The following TRPC3 variants were observed in gnomAD, a reference collection of about 807,000 sequenced individuals.
The protein encoded by TRPC3 is short transient receptor potential channel 3.
A neutral mutation model predicts 90.9 loss-of-function variants in TRPC3; 54 were observed. The observed-to-expected ratio is 0.59, with a 90% CI of 0.48 to 0.75. The LOEUF (loss-of-function observed/expected upper bound fraction) is 0.75, where lower values mean the gene tolerates loss of function less well. Among genes scored for constraint, TRPC3 ranks in the 30% least tolerant of loss-of-function variants. The pLI is 0.00. For synonymous variants in TRPC3, 424 were observed against 450.9 expected, an observed-to-expected ratio of 0.94 and a Z score of 0.75; for missense variants, 918 against 1,194.5, an observed-to-expected ratio of 0.77 and a Z score of 3.41.
chr4:121,947,754 CA>C (rs1560722288), intron 1 of TRPC3, among the ~76,000 whole-genome samples: 1 of 152,144 alleles, frequency 6.6e-6, no homozygotes. Context: ...TTTATTAAGA[CA>C]ATTTTTTGGC....
intron 5 of TRPC3, 88 bp downstream of exon 5, chr4:121,911,789 T>C: frequency 2.3e-6 from 3 of 1,302,906 alleles, no homozygotes; most frequent in Non-Finnish European, 3.2e-6. Flanking sequence ...ATATAAGATA[T>C]AATAACATTT....
chr4:121,902,711 G>T, intron 9 of TRPC3, 141 bp downstream of exon 9: 1 of 596,290 alleles, frequency 1.7e-6, no homozygotes, highest in Non-Finnish European at 2.8e-6. Context: ...TTTAGTATTA[G>T]TCTGTGAAAG....
chr4:121,907,961 G>A (rs897875821), intron 6 of TRPC3, among the ~76,000 whole-genome samples: 5 of 152,050 alleles, frequency 3.3e-5, no homozygotes, highest in African/African-American at 7.2e-5. Flanking sequence ...AGGCACAGCC[G>A]GAGTGTAACT....
chr4:121,889,582 T>G (rs1436417425), intron 10 of TRPC3, among the ~76,000 whole-genome samples: 1 of 152,136 alleles, frequency 6.6e-6, no homozygotes, highest in Non-Finnish European at 1.5e-5. Context: ...TAACAAATGC[T>G]GGTATGGATG....
intron 10 of TRPC3, among the ~76,000 whole-genome samples, chr4:121,890,796 C>T (rs536316211): frequency 6.6e-6 from 1 of 152,034 alleles, no homozygotes; most frequent in African/African-American, 2.4e-5. Context: ...TCGAGACTAT[C>T]CTGGCTAACA....
At chr4:121,915,542 C>A in intron 3 of TRPC3, among the ~76,000 whole-genome samples, 1 of 152,216 alleles carries the variant, frequency 6.6e-6, no homozygotes, top group Non-Finnish European at 1.5e-5. Flanking sequence ...CAGGAACTGG[C>A]ACCAAATGCC....
At position 121,951,655 on chromosome 4, in the gene TRPC3, T is replaced by C. The variant is rs754481922; in HGVS notation, c.26A>G (p.Lys9Arg). ...CGGGAAGGTCACCCTTGCTTGTTCT[T>C]TGCACTTCCTGACCTTGGTGGACAT... MSTKVRKCKEQARVTFPAP... is the reference protein window; with the variant it reads MSTKVRKCREQARVTFPAP... The change falls in exon 1 of 12, where the codon AAA becomes AGA. Residue 9 changes from lysine to arginine, a missense_variant. This residue lies in a region of TRPC3 where 609 missense variants were observed against 725.9 expected (regional missense o/e 0.84). Transcript: ENST00000379645. The surrounding 1 kb of genome is among the most constrained non-coding windows in gnomAD (Gnocchi z 4.4). The C allele has an allele frequency of 7.2e-7, 1 of 1,382,566 alleles. No individual in the cohort carries two copies. Among genetic ancestry groups the C allele is most frequent in the South Asian group, 1.7e-5 (1 of 57,714 alleles). 85.6% of individuals were successfully genotyped at this position (1,382,566 alleles called of 1,614,324 possible).
chr4:121,914,743 C>T (rs367997378), intron 4 of TRPC3, 37 bp downstream of exon 4: 10 of 1,550,288 alleles, frequency 6.5e-6, no homozygotes, highest in Non-Finnish European at 7.0e-6. Flanking sequence ...AGACACAGTA[C>T]ACCACCACAG....
Position 121,951,613 on chromosome 4 carries a change from T to C in TRPC3, c.68A>G (p.Glu23Gly). Reference sequence around the variant, plus strand: ...CGCGCCCTCGTCCTCGCCCTCGTCTTCCTCCTCCTCCGGCGCCGGGAAGGT... The same window carrying C: ...CGCGCCCTCGTCCTCGCCCTCGTCTCCCTCCTCCTCCGGCGCCGGGAAGGT... ...RVTFPAPEEE[E>G]DEGEDEGAEP... The change falls in exon 1 of 12, where the codon GAA (glutamate) becomes GGA (glycine). Residue 23 changes from glutamate to glycine, a missense_variant. By Grantham distance (98) the Glu-to-Gly change is moderately conservative. This residue lies in a region of TRPC3 where 609 missense variants were observed against 725.9 expected (regional missense o/e 0.84). Coordinates refer to ENST00000379645, the MANE Select transcript of TRPC3 (RefSeq NM_001130698.2). The surrounding 1 kb of genome is among the most constrained non-coding windows in gnomAD (Gnocchi z 4.4). The C allele has an allele frequency of 1.4e-6, 2 of 1,433,448 alleles. No homozygotes were observed. The highest frequency in any genetic ancestry group is 1.8e-6 in the Non-Finnish European group (2 of 1,085,488). 88.8% of individuals were successfully genotyped at this position (1,433,448 alleles called of 1,614,324 possible).
At chr4:121,907,852 C>T (rs776087243) in intron 6 of TRPC3, among the ~76,000 whole-genome samples, 1 of 152,054 alleles carries the variant, frequency 6.6e-6, no homozygotes. Context: ...TAAAACACTT[C>T]GTTAGACACA....
At position 121,912,073 on chromosome 4, in the gene TRPC3, G is replaced by A; in HGVS notation, c.1362C>T (p.Ser454=). 1 of 1,613,456 alleles carries A rather than the reference G, an allele frequency of 6.2e-7. No individual in the cohort carries two copies. The highest frequency in any genetic ancestry group is 1.3e-5 in the African/African-American group (1 of 74,982). The change falls in exon 5 of 12, where the codon AGC becomes AGT. Residue 454 remains serine (S), a synonymous_variant. Coordinates refer to ENST00000379645, the MANE Select transcript of TRPC3 (RefSeq NM_001130698.2). ...CATGTGCTACAAACTTCATAAAAGG[G>A]CTTCGCAGAATTTTCCCCAGCTGTA... ...PCSRLGKILR[S]PFMKFVAHAA... is the part of the protein sequence containing the mutation.
At chr4:121,918,724 G>A (rs769543514) in intron 3 of TRPC3, among the ~76,000 whole-genome samples, 1 of 152,070 alleles carries the variant, frequency 6.6e-6, no homozygotes, top group Non-Finnish European at 1.5e-5. Flanking sequence ...CATGGATTCT[G>A]TCGATTCCAT....
chr4:121,926,934 T>C (rs953850786), intron 2 of TRPC3, among the ~76,000 whole-genome samples: 1 of 152,194 alleles, frequency 6.6e-6, no homozygotes, highest in Non-Finnish European at 1.5e-5. Flanking sequence ...TCTCTGTGTG[T>C]TTTCACACAC....
intron 10 of TRPC3, among the ~76,000 whole-genome samples, chr4:121,893,724 A>C (rs980741779): frequency 1.3e-5 from 2 of 152,148 alleles, no homozygotes; most frequent in Non-Finnish European, 2.9e-5. Flanking sequence ...CCTGGTAAAA[A>C]ACATTCTTAA....
At chr4:121,907,803 T>C (rs929315825) in intron 6 of TRPC3, among the ~76,000 whole-genome samples, 1 of 152,148 alleles carries the variant, frequency 6.6e-6, no homozygotes, top group African/African-American at 2.4e-5. Flanking sequence ...TGACTCCACA[T>C]TCAGCAGAAA....
rs775225322 is a variant in TRPC3 at position 121,899,700 on chromosome 4, GA to G, written c.2464-6del. On this transcript the variant is annotated splice_region_variant and splice_polypyrimidine_tract_variant and intron_variant, in intron 9 of 11. Coordinates refer to ENST00000379645, the MANE Select transcript of TRPC3 (RefSeq NM_001130698.2). ...AGACTGAGTGAAGAGGTTTAACTAG[GA>G]AAAAATACAATTAACCTAGTAAATT... The G allele has an allele frequency of 8.7e-6, 14 of 1,600,460 alleles. No homozygotes were observed. Among genetic ancestry groups the G allele is most frequent in the Middle Eastern group, 1.7e-4 (1 of 6,048 alleles).
intron 9 of TRPC3, among the ~76,000 whole-genome samples, chr4:121,900,996 T>C (rs1011030429): frequency 1.3e-5 from 2 of 152,128 alleles, no homozygotes; most frequent in Non-Finnish European, 2.9e-5. Flanking sequence ...ACAGGCTGTA[T>C]TTTCTTTACA....
intron 10 of TRPC3, among the ~76,000 whole-genome samples, chr4:121,886,517 G>A (rs370782704): frequency 5.3e-5 from 8 of 152,050 alleles, no homozygotes; most frequent in East Asian, 3.8e-4. Context: ...TGTGATTGAG[G>A]GCCTGCTATT....
At chr4:121,905,146 T>C (rs1288781818) in intron 7 of TRPC3, among the ~76,000 whole-genome samples, 1 of 152,002 alleles carries the variant, frequency 6.6e-6, no homozygotes, top group East Asian at 1.9e-4. Flanking sequence ...ATAGCAAGTG[T>C]GAAATATTCT....
Sources: allele counts gnomAD v4.1 joint callset (sites outside exome capture counted in the v4.1 genomes callset), GRCh38; gene constraint gnomAD v4.1.1; regional missense constraint gnomAD v4.1.1; non-coding constraint Gnocchi (gnomAD v3.1); transcripts MANE v1.5; gene names NCBI Gene and HGNC (gene_info 2026-07-23, HGNC 2026-07-21).